PCDH9: variants seen among roughly 807,000 people sequenced by gnomAD.
PCDH9 encodes protocadherin 9, also known as protocadherin-9.
Under a neutral mutation model 70.6 loss-of-function variants are expected in PCDH9, and 24 were observed. The ratio of observed to expected loss-of-function variants is 0.34; its 90% CI spans 0.25 to 0.48. The LOEUF is 0.48. Ranked by LOEUF, PCDH9 falls within the 20% of genes least tolerant of loss-of-function variation. The probability of loss-of-function intolerance (pLI) is 0.99; values close to 1 mark genes in which losing one functional copy is unlikely to be tolerated. For missense variants in PCDH9, 1,281 were observed against 1,503.6 expected, an observed-to-expected ratio of 0.85 and a Z score of 2.45; for synonymous variants, 562 against 558.5, an observed-to-expected ratio of 1.01 and a Z score of -0.09.
chr13:66,954,850 G>A lies in PCDH9; in HGVS notation c.3037-51245C>T, dbSNP rs145800153. ...GTGATCTCAGCTCACTGAAAACTCT[G>A]CCTCCCAGGTTCACGCCATTCTCCT... On this transcript the variant is annotated intron_variant, in intron 2 of 4. Transcript: ENST00000377865. Among the ~76,000 whole-genome samples, 170 of 152,284 alleles carry A rather than the reference G, an allele frequency of 1.1e-3. 1 individual carries two copies. The highest frequency in any genetic ancestry group is 0.01 in the Middle Eastern group (3 of 294).
intron 3 of PCDH9, among the ~76,000 whole-genome samples, chr13:66,860,649 T>C (rs1387113895): frequency 6.6e-6 from 1 of 152,192 alleles, no homozygotes; most frequent in Admixed American, 6.6e-5. Flanking sequence ...TTGAACACGC[T>C]GAGGCAGTGG....
rs369893049 is a variant in PCDH9 at position 66,982,646 on chromosome 13, A to G, written c.3037-79041T>C. On this transcript the variant is annotated intron_variant, in intron 2 of 4. Transcript: ENST00000377865. ...TCTTCCTCTCAGAAATGTCTTAGAT[A>G]ATTTCTGCCACCTCTGTCGAAACTA... is the stretch of plus-strand genomic sequence containing the variant. 6.6e-5 allele frequency among the ~76,000 whole-genome samples: 10 copies of G among 152,274 alleles called. No homozygotes were observed. The East Asian group carries it at 1.9e-3, about 29-fold the overall frequency.
intron 2 of PCDH9, among the ~76,000 whole-genome samples, chr13:66,939,881 C>T (rs1482603697): frequency 1.3e-5 from 2 of 151,966 alleles, no homozygotes; most frequent in African/African-American, 2.4e-5. Flanking sequence ...TCTTTGGGAA[C>T]GAGAGAGGTC....
intron 2 of PCDH9, among the ~76,000 whole-genome samples, chr13:67,137,314 A>C (rs1308289806): frequency 6.6e-6 from 1 of 152,066 alleles, no homozygotes; most frequent in African/African-American, 2.4e-5. Context: ...ACTGGGTGGT[A>C]AACTATTTAA....
intron 2 of PCDH9, among the ~76,000 whole-genome samples, chr13:67,189,211 T>TGC (rs1461733433): frequency 6.6e-6 from 1 of 151,608 alleles, no homozygotes; most frequent in African/African-American, 2.4e-5. Context: ...TATATACGTG[T>TGC]GTGTGTGTGT....
chr13:67,112,887 T>G (rs552039920), intron 2 of PCDH9, among the ~76,000 whole-genome samples: 42 of 151,086 alleles, frequency 2.8e-4, no homozygotes, highest in African/African-American at 1.0e-3. Flanking sequence ...CCTGGCTAAT[T>G]TTTTGTAATT....
At chr13:67,030,278 CT>C (rs1264554468) in intron 2 of PCDH9, among the ~76,000 whole-genome samples, 1 of 152,122 alleles carries the variant, frequency 6.6e-6, no homozygotes, top group Non-Finnish European at 1.5e-5. Context: ...ATTCAGAATT[CT>C]TAAAAGGATT....
At position 66,820,644 on chromosome 13, in the gene PCDH9, T is replaced by C. The variant is rs1178615858; in HGVS notation, c.3138+82860A>G. Reference sequence around the variant, plus strand: ...CTAGATAAAGAAAATGTGGTACATATACACCATGGAATACTATGCAGCCAT... The same window carrying C: ...CTAGATAAAGAAAATGTGGTACATACACACCATGGAATACTATGCAGCCAT... On this transcript the variant is annotated intron_variant, in intron 3 of 4. Transcript: ENST00000377865. 2.6e-5 allele frequency among the ~76,000 whole-genome samples: 4 copies of C among 152,158 alleles called. No individual in the cohort carries two copies. The East Asian group carries it at 7.7e-4, about 29-fold the overall frequency.
At chr13:67,031,656 C>A (rs61959242) in intron 2 of PCDH9, among the ~76,000 whole-genome samples, 30,972 of 152,054 alleles carry the variant, frequency 0.2, 3,367 homozygotes, top group Non-Finnish European at 0.22. Context: ...GCACTCCAGG[C>A]CTGGGTGACA....
At chr13:66,546,495 A>G (rs1052140800) in intron 4 of PCDH9, among the ~76,000 whole-genome samples, 1 of 152,206 alleles carries the variant, frequency 6.6e-6, no homozygotes, top group Non-Finnish European at 1.5e-5. Flanking sequence ...TTGTACAGCT[A>G]TAAAATATGT....
chr13:66,556,015 G>T (rs1212122049), intron 4 of PCDH9, among the ~76,000 whole-genome samples: 1 of 139,872 alleles, frequency 7.1e-6, no homozygotes, highest in Non-Finnish European at 1.5e-5. Flanking sequence ...TCTACTGAAA[G>T]ACAGAGAACA....
At chr13:66,878,118 A>G (rs547997030) in intron 3 of PCDH9, among the ~76,000 whole-genome samples, 1 of 152,352 alleles carries the variant, frequency 6.6e-6, no homozygotes, top group South Asian at 2.1e-4. Context: ...AAAAAAGAAG[A>G]TGCAGAGCAT....
rs200011655 is a variant in PCDH9, at chr13:66,393,044, T to C, written c.3341-88016A>G. On this transcript the variant is annotated intron_variant, in intron 4 of 4. Transcript: ENST00000377865. ...CTGTCCCATACCTTCAACTTTTCTG[T>C]GCTCTGAATATTTCACCTGACTTGT... Among the ~76,000 whole-genome samples, 43 of 152,330 alleles carry C rather than the reference T, an allele frequency of 2.8e-4. 1 individual carries two copies. In the East Asian group the frequency reaches 8.1e-3, roughly 29 times the overall value.
intron 2 of PCDH9, among the ~76,000 whole-genome samples, chr13:67,092,394 T>C (rs928206547): frequency 2.0e-5 from 3 of 152,220 alleles, no homozygotes; most frequent in Non-Finnish European, 2.9e-5. Context: ...ACATGTTTTT[T>C]TTATTAATTT....
At chr13:66,424,997 T>G (rs535117765) in intron 4 of PCDH9, among the ~76,000 whole-genome samples, 12 of 151,914 alleles carry the variant, frequency 7.9e-5, no homozygotes, top group African/African-American at 2.6e-4. Context: ...TAAAGAAAAT[T>G]ATGACATGCC....
intron 2 of PCDH9, among the ~76,000 whole-genome samples, chr13:67,029,113 A>G (rs1254942088): frequency 1.3e-5 from 2 of 152,232 alleles, no homozygotes; most frequent in Non-Finnish European, 2.9e-5. Context: ...CAAGGAACTC[A>G]TAAGCAGGCC....
At chr13:66,655,523 A>G (rs1298936344) in intron 3 of PCDH9, among the ~76,000 whole-genome samples, 1 of 152,076 alleles carries the variant, frequency 6.6e-6, no homozygotes. Context: ...CCTTTAAAAT[A>G]TTTAGCTTAA....
intron 4 of PCDH9, among the ~76,000 whole-genome samples, chr13:66,466,786 G>A (rs755815161): frequency 2.0e-5 from 3 of 152,056 alleles, no homozygotes; most frequent in Non-Finnish European, 2.9e-5. Flanking sequence ...GGAGTGGTAA[G>A]AAACTGTGTT....
intron 3 of PCDH9, among the ~76,000 whole-genome samples, chr13:66,840,401 C>T (rs894099565): frequency 6.6e-6 from 1 of 152,148 alleles, no homozygotes; most frequent in Non-Finnish European, 1.5e-5. Context: ...TTGACTTATT[C>T]ATGGGCATTG....
Sources: allele counts gnomAD v4.1 joint callset (sites outside exome capture counted in the v4.1 genomes callset), GRCh38; gene constraint gnomAD v4.1.1; transcripts MANE v1.5; gene names NCBI Gene and HGNC (gene_info 2026-07-23, HGNC 2026-07-21).